The following IQCJ variants were observed in gnomAD, a reference collection of about 807,000 sequenced individuals.
IQCJ encodes IQ motif containing J.
IQCJ carries 9 observed loss-of-function variants against 11.0 expected under a neutral mutation model. The ratio of observed to expected loss-of-function variants is 0.82; its 90% CI spans 0.49 to 1.43. IQCJ has a LOEUF of 1.43. Ranked by LOEUF, IQCJ falls within the 40% of genes most tolerant of loss-of-function variation. IQCJ has a pLI of 0.00. For synonymous variants in IQCJ, 55 were observed against 51.3 expected (o/e 1.07, Z -0.31); for missense variants, 146 against 133.2 (o/e 1.10, Z -0.47).
At chr3:159,138,200 C>T (rs1168063140) in intron 1 of IQCJ, among the ~76,000 whole-genome samples, 2 of 152,156 alleles carry the variant, frequency 1.3e-5, no homozygotes, top group Admixed American at 1.3e-4. Context: ...TCTGGTTTTT[C>T]CTGACTCTTT....
rs1722518842 is a variant in IQCJ, at chr3:159,172,255, T to C, written c.10-73588T>C. Among the ~76,000 whole-genome samples the C allele has an allele frequency of 2.0e-5, 3 of 152,160 alleles. No individual in the cohort carries two copies. In the South Asian group the frequency reaches 6.2e-4, roughly 31 times the overall value. On this transcript the variant is annotated intron_variant, in intron 1 of 3. Coordinates refer to ENST00000397832, the MANE Select transcript of IQCJ (RefSeq NM_001042706.3). ...GATATCCCCATAATGGAATAGTCAT[T>C]AAAAATGATAGCTGCGAAAGTTAGC...
At chr3:159,127,730 C>T (rs1003826221) in intron 1 of IQCJ, among the ~76,000 whole-genome samples, 1 of 152,110 alleles carries the variant, frequency 6.6e-6, no homozygotes, top group Non-Finnish European at 1.5e-5. Context: ...CAAAATATAG[C>T]GTGAACTATT....
intron 1 of IQCJ, among the ~76,000 whole-genome samples, chr3:159,077,905 A>T (rs945411230): frequency 3.3e-5 from 5 of 152,124 alleles, no homozygotes; most frequent in Non-Finnish European, 5.9e-5. Flanking sequence ...TTGCAAATGT[A>T]ATCCTAAGCC....
intron 1 of IQCJ, among the ~76,000 whole-genome samples, chr3:159,224,109 G>T (rs1051253843): frequency 6.6e-6 from 1 of 151,508 alleles, no homozygotes; most frequent in African/African-American, 2.4e-5. Context: ...GGCTGACTCT[G>T]GGTGTGTGAC....
chr3:159,148,294 T>C (rs56269815), intron 1 of IQCJ, among the ~76,000 whole-genome samples: 1,884 of 152,330 alleles, frequency 0.012, 38 homozygotes, highest in African/African-American at 0.043. Context: ...CCTATGTCTG[T>C]TTTTGTTTTC....
At chr3:159,259,039 C>T (rs1479234444) in intron 3 of IQCJ, among the ~76,000 whole-genome samples, 1 of 152,206 alleles carries the variant, frequency 6.6e-6, no homozygotes, top group Non-Finnish European at 1.5e-5. Flanking sequence ...CTCCCTCAAG[C>T]CTTCTCTAAG....
intron 1 of IQCJ, among the ~76,000 whole-genome samples, chr3:159,151,553 T>C (rs1721218881): frequency 6.6e-6 from 1 of 152,208 alleles, no homozygotes; most frequent in Non-Finnish European, 1.5e-5. Flanking sequence ...CTAGGAGAGC[T>C]CAGTCAAGTT....
chr3:159,188,688 A>T (rs1237845265), intron 1 of IQCJ, among the ~76,000 whole-genome samples: 2 of 152,106 alleles, frequency 1.3e-5, no homozygotes, highest in Admixed American at 1.3e-4. Flanking sequence ...TCCATTCAGG[A>T]TACTTTATTA....
At chr3:159,081,222 A>G (rs1716285533) in intron 1 of IQCJ, among the ~76,000 whole-genome samples, 1 of 152,144 alleles carries the variant, frequency 6.6e-6, no homozygotes, top group African/African-American at 2.4e-5. Flanking sequence ...AGAGACAGGA[A>G]AATGAAATGG....
chr3:159,256,345 G>A (rs903355965), intron 3 of IQCJ, among the ~76,000 whole-genome samples: 17 of 152,140 alleles, frequency 1.1e-4, no homozygotes, highest in Non-Finnish European at 2.2e-4. Context: ...CTATAAAGGA[G>A]AGAGAGGGGC....
intron 1 of IQCJ, among the ~76,000 whole-genome samples, chr3:159,166,305 A>G (rs1374690704): frequency 1.3e-5 from 2 of 152,202 alleles, no homozygotes; most frequent in African/African-American, 4.8e-5. Flanking sequence ...CAATGGCACA[A>G]TCTTCAAAGA....
chr3:159,195,405 C>T (rs1723926504), intron 1 of IQCJ, among the ~76,000 whole-genome samples: 1 of 152,154 alleles, frequency 6.6e-6, no homozygotes, highest in Non-Finnish European at 1.5e-5. Context: ...TATTGTTTTT[C>T]AAGTAAATAG....
intron 3 of IQCJ, among the ~76,000 whole-genome samples, chr3:159,255,667 G>C (rs1306613966): frequency 6.6e-6 from 1 of 152,094 alleles, no homozygotes; most frequent in Non-Finnish European, 1.5e-5. Flanking sequence ...GTCACAAAGG[G>C]TCCATTACCT....
intron 1 of IQCJ, among the ~76,000 whole-genome samples, chr3:159,125,545 G>C (rs1719632542): frequency 6.6e-6 from 1 of 152,214 alleles, no homozygotes; most frequent in Admixed American, 6.5e-5. Flanking sequence ...ACTGGATGTG[G>C]GGTATATGGG....
intron 1 of IQCJ, among the ~76,000 whole-genome samples, chr3:159,217,809 G>T (rs528143334): frequency 6.6e-6 from 1 of 152,084 alleles, no homozygotes; most frequent in Non-Finnish European, 1.5e-5. Flanking sequence ...CCTTACCTGA[G>T]TATCCTCCCT....
At chr3:159,071,106 A>G (rs1000059052) in intron 1 of IQCJ, among the ~76,000 whole-genome samples, 2 of 151,996 alleles carry the variant, frequency 1.3e-5, no homozygotes, top group Admixed American at 6.6e-5. Context: ...ATTTTATCAC[A>G]TATAGAGCTG....
chr3:159,223,877 AAC>A (rs1332050868), intron 1 of IQCJ, among the ~76,000 whole-genome samples: 1 of 152,122 alleles, frequency 6.6e-6, no homozygotes, highest in Non-Finnish European at 1.5e-5. Context: ...GTGTATATGA[AAC>A]ACAAATGAAT....
chr3:159,096,516 T>G (rs1369064911), intron 1 of IQCJ, among the ~76,000 whole-genome samples: 1 of 96,512 alleles, frequency 1.0e-5, no homozygotes, highest in East Asian at 3.1e-4. Flanking sequence ...GTTTAAATCT[T>G]TAATCCATCT....
chr3:159,260,997 C>T (rs1728171983), intron 3 of IQCJ, among the ~76,000 whole-genome samples: 1 of 152,130 alleles, frequency 6.6e-6, no homozygotes. Flanking sequence ...TGGACTTTTC[C>T]TTGAGCATTG....
Sources: allele counts gnomAD v4.1 joint callset (sites outside exome capture counted in the v4.1 genomes callset), GRCh38; gene constraint gnomAD v4.1.1; transcripts MANE v1.5; gene names NCBI Gene and HGNC (gene_info 2026-07-23, HGNC 2026-07-21).